The following FNBP1 variants were observed in gnomAD, a reference collection of about 807,000 sequenced individuals.
FNBP1 encodes the protein formin binding protein 1.
A neutral mutation model predicts 90.6 loss-of-function variants in FNBP1; 26 were observed. The observed-to-expected ratio is 0.29, with a 90% CI of 0.21 to 0.40. FNBP1 has a LOEUF of 0.40. Among genes scored for constraint, FNBP1 ranks in the 10% least tolerant of loss-of-function variants. The pLI is 1.00. For synonymous variants in FNBP1, 260 were observed against 265.2 expected, an observed-to-expected ratio of 0.98 and a Z score of 0.19; for missense variants, 635 against 768.0, an observed-to-expected ratio of 0.83 and a Z score of 2.05.
At chr9:129,893,654 T>A (rs1476385662) in intron 16 of FNBP1, among the ~76,000 whole-genome samples, 1 of 112,898 alleles carries the variant, frequency 8.9e-6, no homozygotes, top group African/African-American at 3.5e-5. Flanking sequence ...CACGGGCTCA[T>A]GCCTGTAATC....
intron 1 of FNBP1, among the ~76,000 whole-genome samples, chr9:130,025,125 A>G (rs2058218795): frequency 1.3e-5 from 2 of 151,992 alleles, no homozygotes; most frequent in African/African-American, 4.8e-5. Flanking sequence ...GGTTGCAGTG[A>G]GTGGAGATCG....
intron 1 of FNBP1, among the ~76,000 whole-genome samples, chr9:130,003,907 G>A (rs1260848693): frequency 1.2e-5 from 1 of 86,156 alleles, no homozygotes; most frequent in African/African-American, 4.3e-5. Context: ...CTGGGCGACA[G>A]AGCGAGACTC....
intron 13 of FNBP1, among the ~76,000 whole-genome samples, chr9:129,902,628 A>C (rs568553423): frequency 2.6e-4 from 40 of 152,298 alleles, no homozygotes; most frequent in Non-Finnish European, 5.4e-4. Flanking sequence ...CCCGCACCGT[A>C]TACAGATACA....
At chr9:129,964,711 AACAG>A (rs1303093171) in intron 4 of FNBP1, among the ~76,000 whole-genome samples, 2 of 152,144 alleles carry the variant, frequency 1.3e-5, no homozygotes, top group African/African-American at 2.4e-5. Flanking sequence ...TCACAGACAG[AACAG>A]ACAAACTCAC....
At chr9:130,017,903 T>A (rs936823453) in intron 1 of FNBP1, among the ~76,000 whole-genome samples, 15 of 107,988 alleles carry the variant, frequency 1.4e-4, no homozygotes, top group East Asian at 3.0e-4. Context: ...ACCTCCCCAA[T>A]ACAACACTCT....
intron 6 of FNBP1, among the ~76,000 whole-genome samples, chr9:129,949,443 G>A (rs1164362606): frequency 5.3e-5 from 8 of 152,150 alleles, no homozygotes; most frequent in African/African-American, 1.9e-4. Context: ...TAAACTGGGT[G>A]CCTTAAGGAT....
At chr9:129,912,424 C>T (rs2039460464) in intron 11 of FNBP1, among the ~76,000 whole-genome samples, 1 of 152,160 alleles carries the variant, frequency 6.6e-6, no homozygotes, top group Non-Finnish European at 1.5e-5. Context: ...CGCGGTAGCT[C>T]ATGCCTGTAA....
chr9:129,917,094 C>T (rs2040379022), intron 10 of FNBP1, among the ~76,000 whole-genome samples: 1 of 152,140 alleles, frequency 6.6e-6, no homozygotes, highest in South Asian at 2.1e-4. Context: ...CTCACTGCCA[C>T]CTCCGCCTCC....
chr9:130,037,603 A>T (rs148432414), intron 1 of FNBP1, among the ~76,000 whole-genome samples: 1 of 152,328 alleles, frequency 6.6e-6, no homozygotes, highest in East Asian at 1.9e-4. Context: ...AGAATGAACA[A>T]CAGAGAAGGG....
chr9:129,993,240 A>AT (rs1358303971), intron 2 of FNBP1, among the ~76,000 whole-genome samples: 1 of 150,568 alleles, frequency 6.6e-6, no homozygotes, highest in Admixed American at 6.6e-5. Context: ...AAAAAAAAAA[A>AT]TTAAAGAAAA....
At chr9:129,902,810 C>T in intron 13 of FNBP1, 59 bp downstream of exon 13, 1 of 1,581,512 alleles carries the variant, frequency 6.3e-7, no homozygotes, top group South Asian at 1.1e-5. Context: ...CACCATTCTA[C>T]ACCGAGGAAC....
chr9:130,039,127 T>C (rs953124026), intron 1 of FNBP1, among the ~76,000 whole-genome samples: 9 of 152,194 alleles, frequency 5.9e-5, no homozygotes, highest in African/African-American at 1.7e-4. Flanking sequence ...AGTAAATGTA[T>C]TTTGGTTAAT....
chr9:130,049,044 G>A, the FNBP1 span, among the ~76,000 whole-genome samples: 1 of 152,066 alleles, frequency 6.6e-6, no homozygotes, highest in Non-Finnish European at 1.5e-5. Flanking sequence ...CTCCCAAAGT[G>A]CTGGGATTAC....
At chr9:129,982,201 G>A (rs1471897811) in intron 2 of FNBP1, among the ~76,000 whole-genome samples, 1 of 152,174 alleles carries the variant, frequency 6.6e-6, no homozygotes, top group African/African-American at 2.4e-5. Context: ...GGCCGGGCGC[G>A]GTGGCTCATG....
intron 10 of FNBP1, among the ~76,000 whole-genome samples, chr9:129,918,535 G>C (rs2040602131): frequency 6.6e-6 from 1 of 152,220 alleles, no homozygotes; most frequent in South Asian, 2.1e-4. Flanking sequence ...GACAGTCACA[G>C]TACTAACCTC....
chr9:130,053,851 C>A, the FNBP1 span: 3 of 1,365,262 alleles, frequency 2.2e-6, no homozygotes, highest in South Asian at 1.3e-5. Flanking sequence ...CCGAGCCCCG[C>A]TCCCCGGGCC....
At chr9:129,965,387 A>G (rs1384439745) in intron 4 of FNBP1, among the ~76,000 whole-genome samples, 1 of 152,156 alleles carries the variant, frequency 6.6e-6, no homozygotes, top group Non-Finnish European at 1.5e-5. Flanking sequence ...CTTTACCCGT[A>G]ACACTGAGCA....
Position 129,998,383 on chromosome 9 carries a change from G to A in FNBP1, c.25-3425C>T, listed in dbSNP as rs988350548. Among the ~76,000 whole-genome samples the A allele has an allele frequency of 2.7e-5, 4 of 149,466 alleles. No individual in the cohort carries two copies. In the South Asian group the frequency reaches 6.4e-4, roughly 24 times the overall value. On this transcript the variant is annotated intron_variant, in intron 1 of 16. Transcript: ENST00000446176. ...TACAAAATTAGCTGGGCCTGGTGGC[G>A]CACGCCTATAATCACAGCTACTTGG...
intron 4 of FNBP1, among the ~76,000 whole-genome samples, chr9:129,973,788 C>A (rs1484636527): frequency 1.3e-5 from 2 of 150,090 alleles, no homozygotes; most frequent in Non-Finnish European, 3.0e-5. Context: ...CAGGCATGAG[C>A]CACCGCGCCT....
Sources: allele counts gnomAD v4.1 joint callset (sites outside exome capture counted in the v4.1 genomes callset), GRCh38; gene constraint gnomAD v4.1.1; transcripts MANE v1.5; gene names NCBI Gene and HGNC (gene_info 2026-07-23, HGNC 2026-07-21).